ZNF142: variants seen among roughly 807,000 people sequenced by gnomAD.
The protein encoded by ZNF142 is zinc finger protein 142 (clone pHZ-49).
Under a neutral mutation model 132.1 loss-of-function variants are expected in ZNF142, and 96 were observed. That is an observed-to-expected ratio of 0.73 (90% CI 0.62 to 0.86). The LOEUF is 0.86. Among genes scored for constraint, ZNF142 ranks in the 40% least tolerant of loss-of-function variants. ZNF142 has a pLI of 0.00. For missense variants in ZNF142, 2,163 were observed against 2,336.2 expected (o/e 0.93, Z 1.53); for synonymous variants, 842 against 890.1 (o/e 0.95, Z 0.96).
Position 218,633,827 on chromosome 2 carries a change from C to A in ZNF142, c.*4512G>T. On this transcript the variant is annotated 3_prime_UTR_variant, in exon 11 of 11. Transcript: ENST00000411696. ...GATAGGTTCAGGCCTGATGGACTGG[C>A]AGGTAAGTCCCAAGAAAAAAGACAA... 1 of 1,559,514 alleles carries A rather than the reference C, an allele frequency of 6.4e-7. No homozygotes were observed. Among genetic ancestry groups the A allele is most frequent in the Non-Finnish European group, 8.8e-7 (1 of 1,139,554 alleles).
intron 4 of ZNF142, among the ~76,000 whole-genome samples, chr2:218,655,298 T>C (rs1462109365): frequency 6.6e-6 from 1 of 152,210 alleles, no homozygotes; most frequent in Non-Finnish European, 1.5e-5. Flanking sequence ...AGCTAATCTT[T>C]CCCAATATTC....
Position 218,636,186 on chromosome 2 carries a change from AC to A in ZNF142, c.*2152del, listed in dbSNP as rs1327556607. ...ATTAAATGAGAACACAAGAAAAGCA[AC>A]CCAGTCAAGAAAACTGTCATAATGT... On this transcript the variant is annotated 3_prime_UTR_variant, in exon 11 of 11. Transcript: ENST00000411696. 4.9e-5 allele frequency: 76 copies of A among 1,566,188 alleles called. No individual in the cohort carries two copies. The highest frequency in any genetic ancestry group is 7.0e-6 in the Non-Finnish European group (8 of 1,138,732).
chr2:218,650,987 CTTTTT>C (rs5838705), intron 5 of ZNF142, among the ~76,000 whole-genome samples: 7 of 137,612 alleles, frequency 5.1e-5, no homozygotes, highest in East Asian at 2.2e-4. Context: ...TTCTTTACTT[CTTTTT>C]TTTTTTTTTT....
rs1190103251 is a variant in ZNF142 at position 218,651,728 on chromosome 2, C to A, written c.853G>T (p.Gly285Cys). The change falls in exon 5 of 11, where the codon GGC (glycine) becomes TGC (cysteine). Residue 285 changes from glycine (G) to cysteine (C), a missense_variant. Transcript: ENST00000411696. ...GTQGELSAVQGLPSQELLPAP... is the reference protein window; with the variant it reads ...GTQGELSAVQCLPSQELLPAP... ...GGCAGCAGCTCCTGGGATGGAAGGC[C>A]CTGAACGGCAGAAAGTTCTCCCTGT... 1.6e-6 allele frequency: 2 copies of A among 1,288,706 alleles called. No individual in the cohort carries two copies. The highest frequency in any genetic ancestry group is 1.5e-5 in the African/African-American group (1 of 65,874). The allele number at this position is 1,288,706 out of a possible 1,614,324, so 79.8% of individuals were successfully genotyped here. A position where few individuals can be genotyped will look rare whatever the true frequency, so the allele number is the denominator to read the frequency against.
intron 4 of ZNF142, among the ~76,000 whole-genome samples, chr2:218,654,163 C>G (rs567983388): frequency 2.0e-5 from 3 of 152,298 alleles, no homozygotes; most frequent in African/African-American, 7.2e-5. Flanking sequence ...CATCCTTGCT[C>G]TGGCCACTGT....
At chr2:218,656,116 T>G in intron 4 of ZNF142, 34 bp downstream of exon 4, 1 of 1,468,466 alleles carries the variant, frequency 6.8e-7, no homozygotes, top group Non-Finnish European at 9.1e-7. Context: ...CAGAGCTGCT[T>G]GTCCCACTGG....
chr2:218,642,742 G>A lies in ZNF142; in HGVS notation c.4374C>T (p.Phe1458=). 1 of 1,614,230 alleles carries A rather than the reference G, an allele frequency of 6.2e-7. No individual in the cohort carries two copies. Among genetic ancestry groups the A allele is most frequent in the Non-Finnish European group, 8.5e-7 (1 of 1,180,048 alleles). ...AGCCACTATAGTCACAAAGTGGACA[G>A]AAGTGGGTAGGTGTTTTGTCATGTA... ...LRVHDKTPTH[F]CPLCDYSGYL... The change falls in exon 9 of 11, where the codon TTC becomes TTT. Residue 1458 remains phenylalanine, a synonymous_variant. Transcript: ENST00000411696. This position sits in a 1 kb window ranked among gnomAD's most constrained non-coding sequence, Gnocchi z 4.6.
chr2:218,641,693 C>T lies in ZNF142; in HGVS notation c.5088+335G>A, dbSNP rs529953985. ...TAGCTGGGACTACAGGTACTTGCCA[C>T]CATGCCCAGCTGATTAAGAAAAAGT... On this transcript the variant is annotated intron_variant, in intron 9 of 10. Transcript: ENST00000411696. 2.6e-5 allele frequency among the ~76,000 whole-genome samples: 4 copies of T among 152,300 alleles called. No individual in the cohort carries two copies. In the South Asian group the frequency reaches 6.2e-4, roughly 24 times the overall value.
rs145252562 is a variant in ZNF142 at position 218,635,883 on chromosome 2, G to A, written c.*2456C>T. On this transcript the variant is annotated 3_prime_UTR_variant, in exon 11 of 11. Coordinates refer to ENST00000411696, the MANE Select transcript of ZNF142 (RefSeq NM_001379659.1). ...ACTGGTGAAAGTGCAGATCTTTGGC[G>A]TTCGTCTAGACACAGCACGGCAGGA... 233 of 1,613,976 alleles carry A rather than the reference G, an allele frequency of 1.4e-4. 1 individual carries two copies. In the East Asian group the frequency reaches 2.0e-3, roughly 14 times the overall value.
Position 218,649,406 on chromosome 2 carries a change from A to T in ZNF142, c.1102T>A (p.Cys368Ser), listed in dbSNP as rs148623772. 6.2e-7 allele frequency: 1 copy of T among 1,612,858 alleles called. No homozygotes were observed. The highest frequency in any genetic ancestry group is 1.3e-5 in the African/African-American group (1 of 74,992). The change falls in exon 7 of 11, where the codon TGT (cysteine) becomes AGT (serine). Residue 368 changes from cysteine to serine, a missense_variant. Physicochemically the swap from Cys to Ser is moderately radical, Grantham distance 112. Transcript: ENST00000411696. ...SLFKTHMCPE[C>S]KRCFKKRTHL... is the part of the protein sequence containing the mutation. ...GTCCGCTTCTTAAAGCAGCGCTTAC[A>T]CTCTGGACACATATGGGTCTTGAAG...
intron 5 of ZNF142, among the ~76,000 whole-genome samples, chr2:218,650,987 C>CTT (rs5838705): frequency 0.052 from 7,159 of 137,554 alleles, 274 homozygotes; most frequent in East Asian, 0.12. Context: ...TTCTTTACTT[C>CTT]TTTTTTTTTT....
chr2:218,642,375 G>T lies in ZNF142; in HGVS notation c.4741C>A (p.Arg1581Ser). 6.2e-7 allele frequency: 1 copy of T among 1,613,006 alleles called. No individual in the cohort carries two copies. The highest frequency in any genetic ancestry group is 8.5e-7 in the Non-Finnish European group (1 of 1,180,038). Residue 1581 changes from arginine to serine, a missense_variant, in exon 9 of 11, where the codon CGC becomes AGC. This residue lies in a region of ZNF142 where 809 missense variants were observed against 801.7 expected (regional missense o/e 1.01). Transcript: ENST00000411696. The surrounding 1 kb of genome is among the most constrained non-coding windows in gnomAD (Gnocchi z 4.6). ...EHRRQQHFSH[R>S]CQLCDFAARE... ...GCAGCAAAGTCACAGAGCTGACAGC[G>T]GTGGCTGAAATGCTGCTGCCTCCGG...
Position 218,636,012 on chromosome 2 carries a change from C to T in ZNF142, c.*2327G>A, listed in dbSNP as rs1696720841. On this transcript the variant is annotated 3_prime_UTR_variant, in exon 11 of 11. Coordinates refer to ENST00000411696, the MANE Select transcript of ZNF142 (RefSeq NM_001379659.1). ...CTAGTCTGTCTTCCATTAAGTATAGCATCTGTTATTGCATGTCCCCACATG... is the reference window on the plus strand; with the variant it reads ...CTAGTCTGTCTTCCATTAAGTATAGTATCTGTTATTGCATGTCCCCACATG... 6.9e-6 allele frequency: 11 copies of T among 1,591,076 alleles called. No individual in the cohort carries two copies. Among genetic ancestry groups the T allele is most frequent in the Non-Finnish European group, 9.4e-6 (11 of 1,164,046 alleles).
intron 7 of ZNF142, 96 bp from the exon 8 acceptor site, chr2:218,646,444 G>T: frequency 1.4e-6 from 2 of 1,418,132 alleles, no homozygotes; most frequent in Non-Finnish European, 1.9e-6. Context: ...CTGATGCCAG[G>T]GAGGAACAAC....
At chr2:218,650,767 A>G (rs1937907601) in intron 5 of ZNF142, among the ~76,000 whole-genome samples, 1 of 152,236 alleles carries the variant, frequency 6.6e-6, no homozygotes, top group Non-Finnish European at 1.5e-5. Context: ...TTCAGACTCC[A>G]TGAAGCTGAC....
chr2:218,651,306 T>G (rs751169119), intron 5 of ZNF142, among the ~76,000 whole-genome samples: 5 of 152,208 alleles, frequency 3.3e-5, no homozygotes, highest in Non-Finnish European at 7.3e-5. Flanking sequence ...CTTTTTAAAA[T>G]AACCCTGGCT....
rs1395563613 is a variant in ZNF142 at position 218,657,787 on chromosome 2, A to G, written c.-35+914T>C. ...GGCGTCCTAAGGGCACTCTGTACAC[A>G]GCCCTATCAGAAACGAGGTCACACT... is the stretch of plus-strand genomic sequence containing the variant. On this transcript the variant is annotated intron_variant, in intron 3 of 10. Transcript: ENST00000411696. Among the ~76,000 whole-genome samples the G allele has an allele frequency of 5.3e-5, 8 of 152,196 alleles. 1 individual carries two copies. The highest frequency in any genetic ancestry group is 5.2e-4 in the Admixed American group (8 of 15,274).
Position 218,634,307 on chromosome 2 carries a change from T to C in ZNF142, c.*4032A>G, listed in dbSNP as rs1696581341. On this transcript the variant is annotated 3_prime_UTR_variant, in exon 11 of 11. Coordinates refer to ENST00000411696, the MANE Select transcript of ZNF142 (RefSeq NM_001379659.1). The surrounding 1 kb of genome is among the most constrained non-coding windows in gnomAD (Gnocchi z 4.0). ...CTCTAGTGATGGTAGGGTTGGGGAA[T>C]GCTCAAGAAAATTGCTAGGCTGAGA... 3.8e-6 allele frequency: 6 copies of C among 1,571,516 alleles called. No homozygotes were observed. The highest frequency in any genetic ancestry group is 5.2e-6 in the Non-Finnish European group (6 of 1,158,368).
rs201737913 is a variant in ZNF142 at position 218,643,143 on chromosome 2, G to A, written c.3973C>T (p.Arg1325Trp). The change falls in exon 9 of 11, where the codon CGG becomes TGG. Residue 1325 changes from arginine to tryptophan, a missense_variant. By Grantham distance (101) the Arg-to-Trp change is moderately radical. Coordinates refer to ENST00000411696, the MANE Select transcript of ZNF142 (RefSeq NM_001379659.1). ...QERALRTHQI[R>W]GCPLEESGEL... is the part of the protein sequence containing the mutation. ...CCAGACTCCTCGAGGGGGCAGCCCCGGATCTGGTGAGTCCTCAGAGCCCGT... is the reference window on the plus strand; with the variant it reads ...CCAGACTCCTCGAGGGGGCAGCCCCAGATCTGGTGAGTCCTCAGAGCCCGT... 108 of 1,614,018 alleles carry A rather than the reference G, an allele frequency of 6.7e-5. No homozygotes were observed. Among genetic ancestry groups the A allele is most frequent in the Middle Eastern group, 6.6e-4 (4 of 6,082 alleles).
Sources: allele counts gnomAD v4.1 joint callset (sites outside exome capture counted in the v4.1 genomes callset), GRCh38; gene constraint gnomAD v4.1.1; regional missense constraint gnomAD v4.1.1; non-coding constraint Gnocchi (gnomAD v3.1); transcripts MANE v1.5; gene names NCBI Gene and HGNC (gene_info 2026-07-23, HGNC 2026-07-21).